NCKAP5: variants seen among roughly 807,000 people sequenced by gnomAD.
NCKAP5 encodes the protein nck-associated protein 5.
A neutral mutation model predicts 167.0 loss-of-function variants in NCKAP5; 92 were observed. The ratio of observed to expected loss-of-function variants is 0.55; its 90% CI spans 0.47 to 0.66. The LOEUF is 0.66. Among genes scored for constraint, NCKAP5 ranks in the 30% least tolerant of loss-of-function variants. NCKAP5 has a pLI of 0.00. For synonymous variants in NCKAP5, 891 were observed against 877.4 expected (o/e 1.02, Z -0.27); for missense variants, 2,378 against 2,315.0 (o/e 1.03, Z -0.56).
intron 3 of NCKAP5, among the ~76,000 whole-genome samples, chr2:133,380,478 C>G (rs1439889880): frequency 6.6e-6 from 1 of 152,074 alleles, no homozygotes; most frequent in African/African-American, 2.4e-5. Context: ...AGTATTTTTC[C>G]TCTACATTCT....
intron 4 of NCKAP5, among the ~76,000 whole-genome samples, chr2:133,247,801 C>T (rs2150323784): frequency 6.6e-6 from 1 of 152,314 alleles, no homozygotes; most frequent in Admixed American, 6.5e-5. Flanking sequence ...TCTGCAATTT[C>T]TCCCTTCCAC....
intron 3 of NCKAP5, among the ~76,000 whole-genome samples, chr2:133,346,760 G>A (rs536980766): frequency 3.9e-5 from 6 of 152,316 alleles, no homozygotes; most frequent in South Asian, 2.1e-4. Context: ...CATGGATGGC[G>A]ATGCAACAGG....
chr2:132,823,441 C>T (rs1041627746), intron 11 of NCKAP5, among the ~76,000 whole-genome samples: 2 of 152,084 alleles, frequency 1.3e-5, no homozygotes, highest in African/African-American at 4.8e-5. Flanking sequence ...AATGTGTATT[C>T]AGTGAAACTA....
the NCKAP5 span, among the ~76,000 whole-genome samples, chr2:133,594,654 T>C: frequency 6.6e-6 from 1 of 152,240 alleles, no homozygotes; most frequent in Non-Finnish European, 1.5e-5. Flanking sequence ...CTTTCTCATC[T>C]ACAAAAGGGA....
At chr2:133,647,380 G>GAAGGAAGGAAGAAAGA in the NCKAP5 span, among the ~76,000 whole-genome samples, 6 of 85,606 alleles carry the variant, frequency 7.0e-5, no homozygotes, top group East Asian at 2.6e-3. Flanking sequence ...AGAAAGAAAG[G>GAAGGAAGGAAGAAAGA]AAGGAAGGAA....
intron 1 of NCKAP5, among the ~76,000 whole-genome samples, chr2:133,561,472 T>G (rs182194559): frequency 6.6e-6 from 1 of 152,370 alleles, no homozygotes; most frequent in African/African-American, 2.4e-5. Context: ...TATCATTTGC[T>G]TTCCTCTGAT....
chr2:132,989,373 A>G (rs1177751718), intron 7 of NCKAP5, among the ~76,000 whole-genome samples: 3 of 152,212 alleles, frequency 2.0e-5, no homozygotes, highest in Non-Finnish European at 4.4e-5. Context: ...TGACACAAAT[A>G]TGAAACATAA....
At chr2:132,763,675 C>T (rs1478523851) in intron 16 of NCKAP5, among the ~76,000 whole-genome samples, 3 of 152,210 alleles carry the variant, frequency 2.0e-5, no homozygotes, top group African/African-American at 4.8e-5. Context: ...CTTGCACTTG[C>T]CTTTTTCCGA....
intron 3 of NCKAP5, among the ~76,000 whole-genome samples, chr2:133,500,258 TA>T (rs1385032125): frequency 6.6e-6 from 1 of 152,158 alleles, no homozygotes; most frequent in Non-Finnish European, 1.5e-5. Context: ...CTCCGCTCTC[TA>T]AAAAAGAAAT....
intron 16 of NCKAP5, among the ~76,000 whole-genome samples, chr2:132,743,967 T>A (rs1209681665): frequency 6.6e-6 from 1 of 151,716 alleles, no homozygotes; most frequent in Non-Finnish European, 1.5e-5. Context: ...GTTATAGTTA[T>A]AACAAGGTAA....
rs537234883 is a variant in NCKAP5 at position 133,481,403 on chromosome 2, A to G, written c.69+36055T>C. Among the ~76,000 whole-genome samples the G allele has an allele frequency of 4.3e-4, 65 of 152,334 alleles. 1 individual carries two copies. The highest frequency in any genetic ancestry group is 1.4e-3 in the African/African-American group (59 of 41,576). ...GTATTTAATGTGGAGAGATCAAGTC[A>G]GGGCATTTAGGGTGTCCATCTCCCA... On this transcript the variant is annotated intron_variant, in intron 3 of 19. Transcript: ENST00000409261.
intron 8 of NCKAP5, among the ~76,000 whole-genome samples, chr2:132,887,750 G>A (rs1692366466): frequency 6.6e-6 from 1 of 152,124 alleles, no homozygotes; most frequent in African/African-American, 2.4e-5. Context: ...GGGTTCAAGT[G>A]ATCCTCCCGC....
intron 4 of NCKAP5, among the ~76,000 whole-genome samples, chr2:133,232,975 C>T (rs532016248): frequency 8.5e-5 from 13 of 152,206 alleles, no homozygotes; most frequent in African/African-American, 2.4e-4. Flanking sequence ...AATCAGTGAA[C>T]GAGATAAGCA....
At position 132,783,265 on chromosome 2, in the gene NCKAP5, G is replaced by T; in HGVS notation, c.3546C>A (p.Ser1182=). ...CTGGCTTAGACTTGTTCACAGCCAC[G>T]GAACTTTTGGAGGCTTCATTTAAAC... The part of the protein sequence containing the change: ...KDSLNEASKS[S]VAVNKSKPED... The change falls in exon 14 of 20, where the codon TCC becomes TCA. Residue 1182 remains serine, a synonymous_variant. Coordinates refer to ENST00000409261, the MANE Select transcript of NCKAP5 (RefSeq NM_207363.3). The T allele has an allele frequency of 1.2e-6, 2 of 1,613,852 alleles. No homozygotes were observed. The highest frequency in any genetic ancestry group is 1.7e-6 in the Non-Finnish European group (2 of 1,179,868).
intron 6 of NCKAP5, among the ~76,000 whole-genome samples, chr2:133,125,891 T>A (rs925149829): frequency 7.2e-5 from 11 of 152,144 alleles, no homozygotes; most frequent in African/African-American, 2.7e-4. Flanking sequence ...TTCTGATCAT[T>A]ATAGCCTAAT....
chr2:133,280,701 C>A (rs2089904737), intron 4 of NCKAP5, among the ~76,000 whole-genome samples: 1 of 152,174 alleles, frequency 6.6e-6, no homozygotes. Flanking sequence ...AAAATTCATT[C>A]TAGATCAGGA....
At chr2:133,465,241 G>A (rs2151251744) in intron 3 of NCKAP5, among the ~76,000 whole-genome samples, 1 of 144,420 alleles carries the variant, frequency 6.9e-6, no homozygotes, top group East Asian at 2.1e-4. Flanking sequence ...TCCCACCTAT[G>A]AGTGAGAATA....
intron 5 of NCKAP5, among the ~76,000 whole-genome samples, chr2:133,169,846 T>C (rs1279561231): frequency 6.6e-6 from 1 of 152,166 alleles, no homozygotes; most frequent in East Asian, 1.9e-4. Context: ...AATACTCTGA[T>C]GTGGCTGCCA....
chr2:132,913,958 C>T (rs1427379431), intron 8 of NCKAP5, among the ~76,000 whole-genome samples: 1 of 152,046 alleles, frequency 6.6e-6, no homozygotes, highest in Non-Finnish European at 1.5e-5. Context: ...TTTCGTTTAG[C>T]CCAATGGGCT....
Sources: allele counts gnomAD v4.1 joint callset (sites outside exome capture counted in the v4.1 genomes callset), GRCh38; gene constraint gnomAD v4.1.1; transcripts MANE v1.5; gene names NCBI Gene and HGNC (gene_info 2026-07-23, HGNC 2026-07-21).